Variants in SIPA1L1 observed in about 807,000 individuals in gnomAD.
SIPA1L1 encodes the protein signal induced proliferation associated 1 like 1.
In SIPA1L1, 26 loss-of-function variants were observed where a neutral mutation model predicts 162.7. The ratio of observed to expected loss-of-function variants is 0.16; its 90% CI spans 0.12 to 0.22. The LOEUF (loss-of-function observed/expected upper bound fraction) is 0.22. SIPA1L1 is among the 10% of genes least tolerant of loss of function. The probability of loss-of-function intolerance (pLI) is 1.00; values close to 1 mark genes in which losing one functional copy is unlikely to be tolerated. For synonymous variants in SIPA1L1, 829 were observed against 837.4 expected, an observed-to-expected ratio of 0.99 and a Z score of 0.17; for missense variants, 1,874 against 2,241.0, an observed-to-expected ratio of 0.84 and a Z score of 3.31.
At chr14:71,724,387 TG>T (rs1198029390) in intron 18 of SIPA1L1, among the ~76,000 whole-genome samples, 1 of 152,256 alleles carries the variant, frequency 6.6e-6, no homozygotes, top group African/African-American at 2.4e-5. Flanking sequence ...GTATACCCTG[TG>T]GTCGTTTAGT....
intron 2 of SIPA1L1, among the ~76,000 whole-genome samples, chr14:71,510,669 A>G (rs918447883): frequency 5.3e-5 from 8 of 152,124 alleles, no homozygotes; most frequent in African/African-American, 1.9e-4. Flanking sequence ...ACCACTTCAT[A>G]GCTGTGTCAC....
At chr14:71,495,606 ACTGTTTTT>A (rs1010613724) in intron 2 of SIPA1L1, among the ~76,000 whole-genome samples, 3 of 151,108 alleles carry the variant, frequency 2.0e-5, no homozygotes, top group African/African-American at 7.3e-5. Flanking sequence ...ATTGACTTTT[ACTGTTTTT>A]CTGTTTTCAG....
At chr14:71,540,027 C>T (rs17767686) in intron 4 of SIPA1L1, among the ~76,000 whole-genome samples, 25,074 of 152,236 alleles carry the variant, frequency 0.16, 2,670 homozygotes, top group Middle Eastern at 0.35. Flanking sequence ...TGCTTCGGCA[C>T]TGGCAGCAAC....
chr14:71,328,194 T>C (rs1041007003), intron 2 of SIPA1L1, among the ~76,000 whole-genome samples: 6 of 152,156 alleles, frequency 3.9e-5, no homozygotes, highest in African/African-American at 1.4e-4. Context: ...AGATAAATGG[T>C]AGGTTACAGA....
intron 7 of SIPA1L1, among the ~76,000 whole-genome samples, chr14:71,649,590 T>A (rs541466511): frequency 1.5e-3 from 223 of 152,358 alleles, no homozygotes; most frequent in Non-Finnish European, 2.1e-3. Context: ...CAATGATGAA[T>A]AAATGTTTTG....
chr14:71,728,624 G>A (rs2084456996), intron 19 of SIPA1L1, among the ~76,000 whole-genome samples: 2 of 152,120 alleles, frequency 1.3e-5, no homozygotes, highest in African/African-American at 4.8e-5. Context: ...TGTATTTCTG[G>A]GTCTGTAATC....
chr14:71,525,189 C>CT lies in SIPA1L1; in HGVS notation c.-361-4110dup, dbSNP rs111372962. On this transcript the variant is annotated intron_variant, in intron 3 of 23. Coordinates refer to ENST00000381232, the MANE Select transcript of SIPA1L1 (RefSeq NM_001386936.1). ...GGGTTTTGCTATGTAGCCCAACTGA[C>CT]TTTTTTTTTTTTTGAGTCAGAGTCT... 2.7e-3 allele frequency among the ~76,000 whole-genome samples: 383 copies of CT among 142,648 alleles called. 1 individual carries two copies. The highest frequency in any genetic ancestry group is 9.5e-3 in the East Asian group (47 of 4,930). The allele number at this position is 142,648 out of a possible 152,430, so 93.6% of individuals were successfully genotyped here. A position where few individuals can be genotyped will look rare whatever the true frequency, so the allele number is the denominator to read the frequency against.
Position 71,351,888 on chromosome 14 carries a change from A to G in SIPA1L1, c.-465+30707A>G, listed in dbSNP as rs2036748852. On this transcript the variant is annotated intron_variant, in intron 2 of 23. Coordinates refer to ENST00000381232, the MANE Select transcript of SIPA1L1 (RefSeq NM_001386936.1). ...CTACTGGGGACTCTGTACTCAGCCA[A>G]CTGGACAAAATATCTGTGTTCATGG... Among the ~76,000 whole-genome samples, 4 of 151,834 alleles carry G rather than the reference A, an allele frequency of 2.6e-5. 1 individual carries two copies. The South Asian group carries it at 8.4e-4, about 32-fold the overall frequency.
intron 4 of SIPA1L1, among the ~76,000 whole-genome samples, chr14:71,531,223 T>C (rs1374641551): frequency 6.6e-6 from 1 of 152,214 alleles, no homozygotes; most frequent in Non-Finnish European, 1.5e-5. Context: ...CTCTATTCAT[T>C]CTGTAGTCCA....
chr14:71,578,125 G>T (rs2033384574), intron 4 of SIPA1L1, among the ~76,000 whole-genome samples: 1 of 152,102 alleles, frequency 6.6e-6, no homozygotes, highest in South Asian at 2.1e-4. Context: ...GGGCCAGGCT[G>T]ATCTTGAACT....
intron 19 of SIPA1L1, among the ~76,000 whole-genome samples, chr14:71,729,261 C>A (rs987726970): frequency 6.6e-6 from 1 of 152,158 alleles, no homozygotes; most frequent in South Asian, 2.1e-4. Context: ...GTCTCAAACT[C>A]CTGACCTCAA....
chr14:71,386,866 C>T (rs1326806589), intron 2 of SIPA1L1, among the ~76,000 whole-genome samples: 2 of 152,204 alleles, frequency 1.3e-5, no homozygotes, highest in Non-Finnish European at 2.9e-5. Flanking sequence ...TGAGTACTTT[C>T]TTCTCGTTAC....
At position 71,588,879 on chromosome 14, in the gene SIPA1L1, T is replaced by C. The variant is rs761406807; in HGVS notation, c.1007T>C (p.Val336Ala). 6.2e-7 allele frequency: 1 copy of C among 1,614,092 alleles called. No individual in the cohort carries two copies. Among genetic ancestry groups the C allele is most frequent in the Non-Finnish European group, 8.5e-7 (1 of 1,179,984 alleles). The change falls in exon 5 of 24, where the codon GTC becomes GCC. Residue 336 changes from valine (V) to alanine (A), a missense_variant. Physicochemically the swap from Val to Ala is moderately conservative, Grantham distance 64. Around this residue, in one of 5 missense-constraint regions of SIPA1L1, gnomAD observed 685 missense variants for 828.0 expected, o/e 0.83. Transcript: ENST00000381232. The surrounding 1 kb of genome is among the most constrained non-coding windows in gnomAD (Gnocchi z 4.3). ...CCAAAGTGCTTTGCCCACTATGATGTCCAGAGTATATTATTTGATTTGAAT... is the reference window on the plus strand; with the variant it reads ...CCAAAGTGCTTTGCCCACTATGATGCCCAGAGTATATTATTTGATTTGAAT... The part of the protein sequence containing the change: ...TCPKCFAHYD[V>A]QSILFDLNEA...
chr14:71,699,519 G>A (rs150413149), intron 14 of SIPA1L1, among the ~76,000 whole-genome samples: 9 of 152,330 alleles, frequency 5.9e-5, no homozygotes, highest in East Asian at 1.9e-4. Flanking sequence ...GACATAGGGC[G>A]TGTTCTACCC....
At chr14:71,436,901 A>G (rs2044428166) in intron 2 of SIPA1L1, among the ~76,000 whole-genome samples, 1 of 151,022 alleles carries the variant, frequency 6.6e-6, no homozygotes, top group East Asian at 2.0e-4. Context: ...AGTAGCTGGG[A>G]CTACAGGTGC....
intron 3 of SIPA1L1, among the ~76,000 whole-genome samples, chr14:71,515,484 T>C (rs1047562195): frequency 3.9e-5 from 6 of 152,224 alleles, no homozygotes; most frequent in Admixed American, 1.3e-4. Context: ...TTGCTCATTT[T>C]GAAATAGTGC....
chr14:71,523,362 TTTTTA>T (rs1476499039), intron 3 of SIPA1L1, among the ~76,000 whole-genome samples: 95 of 152,158 alleles, frequency 6.2e-4, no homozygotes, highest in East Asian at 5.8e-4. Flanking sequence ...TTTTTTTCGC[TTTTTA>T]TTTTGACATA....
intron 2 of SIPA1L1, among the ~76,000 whole-genome samples, chr14:71,336,173 T>G (rs910616040): frequency 2.0e-5 from 3 of 152,252 alleles, no homozygotes; most frequent in Non-Finnish European, 4.4e-5. Context: ...TAATTATTTA[T>G]GTACTCCTAA....
chr14:71,442,128 G>A (rs2044920864), intron 2 of SIPA1L1, among the ~76,000 whole-genome samples: 3 of 139,664 alleles, frequency 2.1e-5, no homozygotes, highest in South Asian at 2.2e-4. Flanking sequence ...AGCTGAGATC[G>A]CGTCACTGTA....
Sources: gnomAD v4.1 joint callset for allele counts (sites outside exome capture counted in the v4.1 genomes callset) on GRCh38, gnomAD v4.1.1 for gene constraint, gnomAD v4.1.1 regional missense constraint, Gnocchi (gnomAD v3.1) non-coding constraint, MANE v1.5 for transcripts, NCBI Gene and HGNC (gene_info 2026-07-23, HGNC 2026-07-21) for gene names.